Variants in NOL4 observed in about 807,000 individuals in gnomAD.
NOL4 encodes the protein nucleolar protein 4.
NOL4 carries 17 observed loss-of-function variants against 75.9 expected under a neutral mutation model. The ratio of observed to expected loss-of-function variants is 0.22; its 90% CI spans 0.15 to 0.34. NOL4 has a LOEUF of 0.34. NOL4 is among the 10% of genes least tolerant of loss of function. The probability of loss-of-function intolerance (pLI) is 1.00; values close to 1 mark genes in which losing one functional copy is unlikely to be tolerated. For missense variants in NOL4, 614 were observed against 793.5 expected (o/e 0.77, Z 2.72); for synonymous variants, 292 against 289.9 (o/e 1.01, Z -0.07).
At chr18:34,128,077 G>A (rs1338750776) in intron 2 of NOL4, among the ~76,000 whole-genome samples, 1 of 151,862 alleles carries the variant, frequency 6.6e-6, no homozygotes, top group Non-Finnish European at 1.5e-5. Context: ...TATTACAAGT[G>A]TTTAGCATGC....
At chr18:34,168,172 T>G (rs1600781115) in intron 1 of NOL4, among the ~76,000 whole-genome samples, 1 of 151,894 alleles carries the variant, frequency 6.6e-6, no homozygotes, top group African/African-American at 2.4e-5. Context: ...CCTAGAACAT[T>G]GCAATGAACC....
At chr18:34,072,222 CT>C (rs1403268694) in intron 5 of NOL4, among the ~76,000 whole-genome samples, 1 of 152,058 alleles carries the variant, frequency 6.6e-6, no homozygotes, top group Non-Finnish European at 1.5e-5. Flanking sequence ...GAGACTCCAT[CT>C]CAAAAAACAA....
chr18:34,011,124 T>C (rs2074346657), intron 6 of NOL4, among the ~76,000 whole-genome samples: 2 of 151,760 alleles, frequency 1.3e-5, no homozygotes, highest in African/African-American at 4.8e-5. Flanking sequence ...TGATAAATGT[T>C]TGAGGTGATG....
chr18:34,214,710 C>T (rs1440214657), intron 1 of NOL4, among the ~76,000 whole-genome samples: 1 of 152,062 alleles, frequency 6.6e-6, no homozygotes, highest in Admixed American at 6.6e-5. Context: ...GATATCTGCC[C>T]ACTCGTGTTC....
At chr18:34,056,691 A>G (rs571927040) in intron 5 of NOL4, among the ~76,000 whole-genome samples, 1 of 152,290 alleles carries the variant, frequency 6.6e-6, no homozygotes, top group Admixed American at 6.5e-5. Context: ...ACTATGCTAC[A>G]CTGACTCAAG....
intron 2 of NOL4, among the ~76,000 whole-genome samples, chr18:34,120,406 A>G (rs2080084519): frequency 6.6e-6 from 1 of 152,230 alleles, no homozygotes; most frequent in African/African-American, 2.4e-5. Context: ...AAGTGATCAC[A>G]GCCCACTAAA....
chr18:34,109,223 A>T lies in NOL4; in HGVS notation c.415-4063T>A, dbSNP rs114984567. On this transcript the variant is annotated intron_variant, in intron 2 of 10. Coordinates refer to ENST00000261592, the MANE Select transcript of NOL4 (RefSeq NM_003787.5). ...TATAGCAATAAATGCCACATTAAAA[A>T]AAAAGAGCCAGAAGTGGTGGCTCAT... Among the ~76,000 whole-genome samples the T allele has an allele frequency of 2.3e-3, 350 of 152,282 alleles. 1 individual carries two copies. The highest frequency in any genetic ancestry group is 8.0e-3 in the African/African-American group (333 of 41,566).
At chr18:34,104,951 A>G in intron 3 of NOL4, 98 bp downstream of exon 3, 1 of 708,848 alleles carries the variant, frequency 1.4e-6, no homozygotes, top group Non-Finnish European at 2.5e-6. Context: ...TGACTTGTTG[A>G]ACTGTTTCAG....
intron 9 of NOL4, among the ~76,000 whole-genome samples, chr18:33,884,917 C>T (rs1406511861): frequency 1.3e-5 from 2 of 152,084 alleles, no homozygotes; most frequent in Non-Finnish European, 2.9e-5. Flanking sequence ...TGCTCTTGTT[C>T]ATCAAACTGA....
chr18:34,213,426 A>T (rs1781283071), intron 1 of NOL4, among the ~76,000 whole-genome samples: 1 of 152,130 alleles, frequency 6.6e-6, no homozygotes, highest in African/African-American at 2.4e-5. Flanking sequence ...AGTAGCTGGG[A>T]CTACAGGCAC....
chr18:34,071,581 T>C (rs947276818), intron 5 of NOL4, among the ~76,000 whole-genome samples: 4 of 152,156 alleles, frequency 2.6e-5, no homozygotes, highest in Non-Finnish European at 1.5e-5. Flanking sequence ...ACGACCATTC[T>C]GTTTTTAACT....
At chr18:34,030,790 CTA>C (rs1172235898) in intron 5 of NOL4, among the ~76,000 whole-genome samples, 2 of 151,898 alleles carry the variant, frequency 1.3e-5, no homozygotes, top group Non-Finnish European at 2.9e-5. Flanking sequence ...TCTACATATA[CTA>C]TATATGTAAA....
chr18:33,886,856 CATATATCTATATACAT>C (rs1192484072), intron 9 of NOL4, among the ~76,000 whole-genome samples: 1 of 135,700 alleles, frequency 7.4e-6, no homozygotes, highest in Non-Finnish European at 1.5e-5. Flanking sequence ...GATATATCTA[CATATATCTATATACAT>C]ATATATCTAT....
At chr18:34,027,032 G>C (rs1222155792) in intron 5 of NOL4, among the ~76,000 whole-genome samples, 1 of 152,158 alleles carries the variant, frequency 6.6e-6, no homozygotes, top group Non-Finnish European at 1.5e-5. Context: ...GATTTATGAG[G>C]AATTAATGGC....
chr18:34,044,313 A>T (rs2076267974), intron 5 of NOL4, among the ~76,000 whole-genome samples: 1 of 152,074 alleles, frequency 6.6e-6, no homozygotes, highest in Admixed American at 6.6e-5. Flanking sequence ...TTTATCTTTA[A>T]CTAATTGGAT....
intron 6 of NOL4, among the ~76,000 whole-genome samples, chr18:33,987,830 G>C (rs2072583548): frequency 6.6e-6 from 1 of 151,974 alleles, no homozygotes; most frequent in Non-Finnish European, 1.5e-5. Context: ...GCACCAGTGG[G>C]CAGGCTGAAT....
intron 1 of NOL4, among the ~76,000 whole-genome samples, chr18:34,191,892 C>T (rs1320599632): frequency 6.6e-6 from 1 of 152,128 alleles, no homozygotes; most frequent in Non-Finnish European, 1.5e-5. Flanking sequence ...ATTTACCCTA[C>T]ATGGTTAAAA....
At chr18:33,881,944 A>G (rs1230333667) in intron 10 of NOL4, among the ~76,000 whole-genome samples, 1 of 152,194 alleles carries the variant, frequency 6.6e-6, no homozygotes, top group South Asian at 2.1e-4. Flanking sequence ...GAGAAAAACA[A>G]GCAATGGGGA....
At chr18:34,190,263 A>C (rs945775323) in intron 1 of NOL4, among the ~76,000 whole-genome samples, 3 of 151,856 alleles carry the variant, frequency 2.0e-5, no homozygotes, top group African/African-American at 7.3e-5. Context: ...AAGAGCTGAG[A>C]ATGCTTAGCT....
Sources: allele counts gnomAD v4.1 joint callset (sites outside exome capture counted in the v4.1 genomes callset), GRCh38; gene constraint gnomAD v4.1.1; transcripts MANE v1.5; gene names NCBI Gene and HGNC (gene_info 2026-07-23, HGNC 2026-07-21).